OR1D2: variants seen among roughly 807,000 people sequenced by gnomAD.
OR1D2 encodes the protein olfactory receptor family 1 subfamily D member 2.
For missense variants in OR1D2, 357 were observed against 376.1 expected (o/e 0.95, Z 0.42); for synonymous variants, 157 against 153.9 (o/e 1.02, Z -0.15).
Position 3,092,030 on chromosome 17 carries a change from A to T in OR1D2, c.*28T>A. ...AGGGTGAAGGATATTCCTAGTCTCC[A>T]CTTTAATGCTGTCTTTCCAAATTGC... is the stretch of plus-strand genomic sequence containing the variant. On this transcript the variant is annotated 3_prime_UTR_variant, in exon 2 of 2. Transcript: ENST00000641833. 6.6e-7 allele frequency: 1 copy of T among 1,525,576 alleles called. No homozygotes were observed. Among genetic ancestry groups the T allele is most frequent in the Non-Finnish European group, 9.0e-7 (1 of 1,114,886 alleles). The allele number at this position is 1,525,576 out of a possible 1,614,324, so 94.5% of individuals were successfully genotyped here.
chr17:3,094,848 A>C (rs892690410), intron 1 of OR1D2, among the ~76,000 whole-genome samples: 3 of 152,158 alleles, frequency 2.0e-5, no homozygotes, highest in African/African-American at 7.2e-5. Context: ...AGCCAAATGG[A>C]AATCCTGCAG....
chr17:3,093,907 G>T (rs2047829669), intron 1 of OR1D2, among the ~76,000 whole-genome samples: 1 of 152,120 alleles, frequency 6.6e-6, no homozygotes, highest in Non-Finnish European at 1.5e-5. Flanking sequence ...AAGTTTACTG[G>T]ATATCAAAAT....
chr17:3,097,716 G>C (rs1440479673), intron 1 of OR1D2, among the ~76,000 whole-genome samples: 1 of 152,220 alleles, frequency 6.6e-6, no homozygotes, highest in Non-Finnish European at 1.5e-5. Context: ...AGCTGTTTGA[G>C]CTCCTTGCAG....
intron 1 of OR1D2, among the ~76,000 whole-genome samples, chr17:3,094,661 C>T (rs958206840): frequency 2.6e-5 from 4 of 152,040 alleles, no homozygotes; most frequent in Non-Finnish European, 5.9e-5. Context: ...AAAAATCAGG[C>T]AACAGAAACT....
In OR1D2 at chr17:3,102,657, A is replaced by G. The variant is rs143314100; in HGVS notation, c.-51+1442T>C. On this transcript the variant is annotated intron_variant, in intron 1 of 1. Transcript: ENST00000641833. ...CCCCGTTCTGCCTCCAGATTTCACA[A>G]TCTAACTATTCTACCATGGGATGGA... Among the ~76,000 whole-genome samples the G allele has an allele frequency of 5.3e-3, 814 of 152,174 alleles. 8 individuals are homozygous for G. The highest frequency in any genetic ancestry group is 0.018 in the African/African-American group (749 of 41,528).
In OR1D2 at chr17:3,093,018, T is replaced by C. The variant is rs562816771; in HGVS notation, c.-22A>G. ...CCATTTCCCCAACTCTCTTTTAACA[T>C]TAACACCAGCAAATGTTTACCAAAA... On this transcript the variant is annotated 5_prime_UTR_variant, in exon 2 of 2. The change abolishes an upstream ATG in the 5' untranslated region. Coordinates refer to ENST00000641833, the MANE Select transcript of OR1D2 (RefSeq NM_002548.3). 2 of 1,602,244 alleles carry C rather than the reference T, an allele frequency of 1.2e-6. No homozygotes were observed. Among genetic ancestry groups the C allele is most frequent in the Non-Finnish European group, 8.5e-7 (1 of 1,171,484 alleles).
At position 3,092,375 on chromosome 17, in the gene OR1D2, G is replaced by A; in HGVS notation, c.622C>T (p.Leu208Phe). 1.2e-6 allele frequency: 2 copies of A among 1,614,096 alleles called. No individual in the cohort carries two copies. The highest frequency in any genetic ancestry group is 8.5e-7 in the Non-Finnish European group (1 of 1,179,938). Reference sequence around the variant, plus strand: ...ATGATCACGAATCCAAAGGGAATGAGGAAGATGAAGCAGCCTGTGGCAATC... The same window carrying A: ...ATGATCACGAATCCAAAGGGAATGAAGAAGATGAAGCAGCCTGTGGCAATC... ...VLIATGCFIF[L>F]IPFGFVIISY... The change falls in exon 2 of 2, where the codon CTC (leucine) becomes TTC (phenylalanine). Residue 208 changes from leucine to phenylalanine, a missense_variant. Transcript: ENST00000641833.
At chr17:3,095,581 A>T (rs1004016325) in intron 1 of OR1D2, among the ~76,000 whole-genome samples, 3 of 152,050 alleles carry the variant, frequency 2.0e-5, no homozygotes, top group Non-Finnish European at 4.4e-5. Flanking sequence ...AAAGGAAAGA[A>T]CAGTGATAAA....
chr17:3,097,293 A>G (rs995099415), intron 1 of OR1D2, among the ~76,000 whole-genome samples: 1 of 152,252 alleles, frequency 6.6e-6, no homozygotes, highest in Non-Finnish European at 1.5e-5. Context: ...GAACAAGACA[A>G]AGATGCCCAC....
chr17:3,098,831 A>G (rs2047861086), intron 1 of OR1D2, among the ~76,000 whole-genome samples: 1 of 152,200 alleles, frequency 6.6e-6, no homozygotes, highest in African/African-American at 2.4e-5. Flanking sequence ...AGAGACGAAC[A>G]TAAATGACCT....
chr17:3,097,581 G>A (rs2047852681), intron 1 of OR1D2, among the ~76,000 whole-genome samples: 1 of 152,198 alleles, frequency 6.6e-6, no homozygotes, highest in African/African-American at 2.4e-5. Context: ...TGCCACTGGT[G>A]CCTAGGGTAC....
At position 3,090,770 on chromosome 17, in the gene OR1D2, A is replaced by G. The variant is rs186005934; in HGVS notation, c.*1288T>C. The G allele has an allele frequency of 1.3e-5, 2 of 151,814 alleles. No homozygotes were observed. The highest frequency in any genetic ancestry group is 6.6e-5 in the Admixed American group (1 of 15,264). The allele number at this position is 151,814 out of a possible 1,614,324, so 9.4% of individuals were successfully genotyped here. ...GGCCCACTGTAGGGTGCAAGGCCCC[A>G]GTTGTTAAAATACACATACTGACTA... On this transcript the variant is annotated 3_prime_UTR_variant, in exon 2 of 2. Transcript: ENST00000641833.
intron 1 of OR1D2, among the ~76,000 whole-genome samples, chr17:3,095,677 A>G (rs374869685): frequency 4.6e-5 from 7 of 152,060 alleles, no homozygotes; most frequent in East Asian, 1.9e-4. Flanking sequence ...TTTTACATAT[A>G]TCTATTAAGT....
Position 3,095,620 on chromosome 17 carries a change from G to T in OR1D2, c.-50-2574C>A, listed in dbSNP as rs188299568. Among the ~76,000 whole-genome samples the T allele has an allele frequency of 6.7e-4, 102 of 151,506 alleles. 1 individual carries two copies. Among genetic ancestry groups the T allele is most frequent in the African/African-American group, 2.5e-3 (101 of 41,140 alleles). Reference sequence around the variant, plus strand: ...TGAAAATGTGATATTATAAATGTATGTAAATATGTAAATATATATTGATAT... The same window carrying T: ...TGAAAATGTGATATTATAAATGTATTTAAATATGTAAATATATATTGATAT... On this transcript the variant is annotated intron_variant, in intron 1 of 1. Coordinates refer to ENST00000641833, the MANE Select transcript of OR1D2 (RefSeq NM_002548.3).
At chr17:3,100,894 C>T (rs180942766) in intron 1 of OR1D2, among the ~76,000 whole-genome samples, 1 of 152,128 alleles carries the variant, frequency 6.6e-6, no homozygotes, top group Admixed American at 6.5e-5. Context: ...CTATAAATAC[C>T]CCTACGCAAA....
At chr17:3,097,003 T>C (rs112657138) in intron 1 of OR1D2, among the ~76,000 whole-genome samples, 3 of 152,264 alleles carry the variant, frequency 2.0e-5, no homozygotes, top group African/African-American at 7.2e-5. Flanking sequence ...CTAGAAAAAA[T>C]ACAAAGTATG....
At chr17:3,095,753 A>G (rs2047841627) in intron 1 of OR1D2, among the ~76,000 whole-genome samples, 1 of 151,944 alleles carries the variant, frequency 6.6e-6, no homozygotes, top group African/African-American at 2.4e-5. Flanking sequence ...TTTATGTAAG[A>G]TAATATGTAT....
chr17:3,098,430 C>T (rs1311711754), intron 1 of OR1D2, among the ~76,000 whole-genome samples: 3 of 152,054 alleles, frequency 2.0e-5, no homozygotes, highest in Non-Finnish European at 2.9e-5. Context: ...GAAGAGGGAC[C>T]TGAGCATTGA....
At chr17:3,103,058 C>T (rs1028974613) in intron 1 of OR1D2, among the ~76,000 whole-genome samples, 1 of 152,106 alleles carries the variant, frequency 6.6e-6, no homozygotes, top group Non-Finnish European at 1.5e-5. Flanking sequence ...CACGGTATTA[C>T]AGGCTTCCCA....
Sources: allele counts gnomAD v4.1 joint callset (sites outside exome capture counted in the v4.1 genomes callset), GRCh38; gene constraint gnomAD v4.1.1; transcripts MANE v1.5; gene names NCBI Gene and HGNC (gene_info 2026-07-23, HGNC 2026-07-21).